Variants in BABAM2 observed in about 807,000 individuals in gnomAD.
BABAM2 encodes the protein BRISC and BRCA1-A complex member 2.
A neutral mutation model predicts 54.7 loss-of-function variants in BABAM2; 31 were observed. The ratio of observed to expected loss-of-function variants is 0.57; its 90% confidence interval spans 0.43 to 0.77. The LOEUF is 0.77. Among genes scored for constraint, BABAM2 ranks in the 30% least tolerant of loss-of-function variants. BABAM2 has a pLI of 0.00. For missense variants in BABAM2, 364 were observed against 455.8 expected (o/e 0.80, Z 1.83); for synonymous variants, 167 against 162.9 (o/e 1.03, Z -0.19).
At chr2:28,066,987 G>A (rs147390783) in intron 6 of BABAM2, among the ~76,000 whole-genome samples, 2,425 of 152,180 alleles carry the variant, frequency 0.016, 36 homozygotes, top group Non-Finnish European at 0.024. Context: ...TGCTCTTGTC[G>A]CCCAGGCTGG....
At chr2:28,261,518 AG>A in intron 10 of BABAM2, among the ~76,000 whole-genome samples, 1 of 151,970 alleles carries the variant, frequency 6.6e-6, no homozygotes, top group African/African-American at 2.4e-5. Context: ...TATTTTTAGT[AG>A]AGACAGTGTT....
intron 2 of BABAM2, among the ~76,000 whole-genome samples, chr2:27,923,982 A>G (rs1667505179): frequency 6.6e-6 from 1 of 152,148 alleles, no homozygotes. Flanking sequence ...AAAATTTAAA[A>G]AAAAATGCAG....
At chr2:28,085,644 A>C (rs760703781) in intron 6 of BABAM2, among the ~76,000 whole-genome samples, 54 of 152,180 alleles carry the variant, frequency 3.5e-4, no homozygotes, top group Admixed American at 1.2e-3. Context: ...TAAGATTTTT[A>C]GCCATACATG....
At chr2:28,262,093 A>G (rs919489299) in intron 10 of BABAM2, among the ~76,000 whole-genome samples, 4 of 152,236 alleles carry the variant, frequency 2.6e-5, no homozygotes, top group South Asian at 2.1e-4. Flanking sequence ...CCATAAGATC[A>G]TTCCAAGCTG....
At chr2:28,203,892 A>G (rs1678547430) in intron 7 of BABAM2, among the ~76,000 whole-genome samples, 1 of 152,156 alleles carries the variant, frequency 6.6e-6, no homozygotes, top group East Asian at 1.9e-4. Flanking sequence ...CCTTCCGGAA[A>G]GGCTGCGCCA....
intron 7 of BABAM2, among the ~76,000 whole-genome samples, chr2:28,178,918 A>G (rs904948215): frequency 1.3e-5 from 2 of 152,116 alleles, no homozygotes; most frequent in African/African-American, 2.4e-5. Context: ...GGACACATAC[A>G]TACCTACCAA....
intron 7 of BABAM2, among the ~76,000 whole-genome samples, chr2:28,224,659 A>G (rs1369030220): frequency 6.6e-6 from 1 of 152,158 alleles, no homozygotes; most frequent in African/African-American, 2.4e-5. Flanking sequence ...ATAAAGAAGC[A>G]AACAGTCCCC....
At chr2:28,078,583 G>A (rs1220248538) in intron 6 of BABAM2, among the ~76,000 whole-genome samples, 1 of 152,108 alleles carries the variant, frequency 6.6e-6, no homozygotes, top group African/African-American at 2.4e-5. Flanking sequence ...GGCATCCACT[G>A]GCAGGTCTTG....
intron 10 of BABAM2, among the ~76,000 whole-genome samples, chr2:28,253,624 G>A (rs4666046): frequency 0.84 from 127,364 of 152,168 alleles, 54,190 homozygotes; most frequent in East Asian, 1. Context: ...ACATTACTCT[G>A]CTGTTTCAGA....
chr2:27,890,339 C>T (rs572347197), upstream of BABAM2: 6 of 1,613,502 alleles, frequency 3.7e-6, no homozygotes, highest in African/African-American at 4.0e-5. This position sits in a 1 kb window ranked among gnomAD's most constrained non-coding sequence, Gnocchi z 4.8. Flanking sequence ...TCCCCAGACG[C>T]CGCCATCGCT....
chr2:28,095,651 A>G (rs976981624), intron 6 of BABAM2, among the ~76,000 whole-genome samples: 7 of 152,204 alleles, frequency 4.6e-5, no homozygotes, highest in African/African-American at 1.7e-4. Context: ...TGTTCATGTG[A>G]AAAAGATTTG....
intron 10 of BABAM2, among the ~76,000 whole-genome samples, chr2:28,266,190 T>C (rs1207000086): frequency 6.6e-6 from 1 of 152,224 alleles, no homozygotes. Context: ...TTTCGCCATG[T>C]TGGCCAGGCT....
chr2:28,237,145 A>G, intron 7 of BABAM2, 57 bp from the exon 8 acceptor site: 1 of 1,472,874 alleles, frequency 6.8e-7, no homozygotes, highest in Non-Finnish European at 9.5e-7. Flanking sequence ...TGGGGGTGTC[A>G]CTTCTTAAGT....
rs551134621 is a variant in BABAM2 at position 27,910,072 on chromosome 2, T to G, written c.128+15388T>G. On this transcript the variant is annotated intron_variant, in intron 2 of 11. Transcript: ENST00000379624. ...GCTAAGCCATTCCATCTATAACAGT[T>G]CTCCCTTGTTCTTTTCTGTATCAGA... Among the ~76,000 whole-genome samples the G allele has an allele frequency of 2.6e-5, 4 of 152,312 alleles. No homozygotes were observed. The South Asian group carries it at 8.3e-4, about 32-fold the overall frequency.
chr2:28,086,410 C>T (rs989500402), intron 6 of BABAM2, among the ~76,000 whole-genome samples: 5 of 152,130 alleles, frequency 3.3e-5, no homozygotes, highest in African/African-American at 1.2e-4. Context: ...TAGACCTCAA[C>T]GTAAACATGC....
chr2:28,236,840 A>G (rs1448673256), intron 7 of BABAM2, among the ~76,000 whole-genome samples: 1 of 152,184 alleles, frequency 6.6e-6, no homozygotes, highest in Non-Finnish European at 1.5e-5. Context: ...TTCAGTTTCA[A>G]TGTTTAATGA....
At chr2:28,275,515 C>T (rs945067040) in intron 10 of BABAM2, among the ~76,000 whole-genome samples, 5 of 152,154 alleles carry the variant, frequency 3.3e-5, no homozygotes, top group Admixed American at 2.0e-4. Context: ...AAGCTAAAGA[C>T]CAGCAGGCAG....
At chr2:27,930,063 T>A (rs1667982747) in intron 3 of BABAM2, 155 bp downstream of exon 3, 1 of 671,342 alleles carries the variant, frequency 1.5e-6, no homozygotes, top group Admixed American at 3.0e-5. Flanking sequence ...TCAATTCTAG[T>A]TTGATTAAAA....
intron 6 of BABAM2, among the ~76,000 whole-genome samples, chr2:28,102,630 T>C (rs1667183379): frequency 1.3e-5 from 2 of 152,180 alleles, no homozygotes; most frequent in South Asian, 4.1e-4. Context: ...TCCAGTAAAT[T>C]CCCAGTTTTC....
Sources: gnomAD v4.1 joint callset for allele counts (sites outside exome capture counted in the v4.1 genomes callset) on GRCh38, gnomAD v4.1.1 for gene constraint, Gnocchi (gnomAD v3.1) non-coding constraint, MANE v1.5 for transcripts, NCBI Gene and HGNC (gene_info 2026-07-23, HGNC 2026-07-21) for gene names.